Variants in WDR37 observed in about 807,000 individuals in gnomAD.
WDR37 encodes the protein WD repeat-containing protein 37.
WDR37 carries 19 observed loss-of-function variants against 62.9 expected under a neutral mutation model. The observed-to-expected ratio is 0.30, with a 90% CI of 0.21 to 0.44. The LOEUF (loss-of-function observed/expected upper bound fraction) is 0.44. WDR37 is among the 20% of genes least tolerant of loss of function. The pLI is 1.00. For synonymous variants in WDR37, 250 were observed against 260.9 expected, an observed-to-expected ratio of 0.96 and a Z score of 0.40; for missense variants, 474 against 657.6, an observed-to-expected ratio of 0.72 and a Z score of 3.05.
intron 6 of WDR37, among the ~76,000 whole-genome samples, chr10:1,085,331 C>T (rs1340445136): frequency 7.9e-6 from 1 of 126,096 alleles, no homozygotes; most frequent in Admixed American, 7.3e-5. Context: ...TGACTTTTTT[C>T]CCACAAGTGG....
At chr10:1,086,528 T>C (rs1411936861) in intron 7 of WDR37, among the ~76,000 whole-genome samples, 171 bp downstream of exon 7, 1 of 152,238 alleles carries the variant, frequency 6.6e-6, no homozygotes, top group African/African-American at 2.4e-5. Flanking sequence ...CTTGAGCTTG[T>C]ATGGGCTCAA....
rs151072982 is a variant in WDR37 at position 1,080,062 on chromosome 10, C to T, written c.287C>T (p.Ala96Val). 41 of 1,613,958 alleles carry T rather than the reference C, an allele frequency of 2.5e-5. No homozygotes were observed. Among genetic ancestry groups the T allele is most frequent in the South Asian group, 4.4e-5 (4 of 91,068 alleles). ...GAACGTTTAGCTGCTGAAGGACAAG[C>T]GATTGATGGAGCAGAGCTGAGTAAG... ...LNERLAAEGQ[A>V]IDGAELSKGQ... Residue 96 changes from alanine (A) to valine (V), a missense_variant, in exon 4 of 14, where the codon GCG (alanine) becomes GTG (valine). Coordinates refer to ENST00000263150, the MANE Select transcript of WDR37 (RefSeq NM_014023.4).
At chr10:1,106,256 C>T (rs2131665402) in intron 11 of WDR37, among the ~76,000 whole-genome samples, 1 of 152,212 alleles carries the variant, frequency 6.6e-6, no homozygotes, top group South Asian at 2.1e-4. Context: ...CATCATGCCC[C>T]ACTGTGGTCC....
intron 6 of WDR37, among the ~76,000 whole-genome samples, chr10:1,085,316 G>A (rs1204382979): frequency 6.7e-6 from 1 of 149,448 alleles, no homozygotes; most frequent in Admixed American, 6.6e-5. Flanking sequence ...ATTTGTGGAT[G>A]TATTTGACTT....
At position 1,131,206 on chromosome 10, in the gene WDR37, A is replaced by G. The variant is rs1363290052; in HGVS notation, c.*1862A>G. The stretch of plus-strand genomic sequence containing the variant: ...CACTTTTTCTCTTGGCTGGAGGTCC[A>G]ATTGCCAGAGCCTCCCACACTGCAC... On this transcript the variant is annotated 3_prime_UTR_variant, in exon 14 of 14. Coordinates refer to ENST00000263150, the MANE Select transcript of WDR37 (RefSeq NM_014023.4). 1 of 152,318 alleles carries G rather than the reference A, an allele frequency of 6.6e-6. No homozygotes were observed. The highest frequency in any genetic ancestry group is 1.9e-4 in the East Asian group (1 of 5,186). 9.4% of individuals were successfully genotyped at this position (152,318 alleles called of 1,614,324 possible).
chr10:1,113,412 G>C (rs1012848339), intron 11 of WDR37, among the ~76,000 whole-genome samples: 6 of 152,170 alleles, frequency 3.9e-5, no homozygotes, highest in African/African-American at 1.4e-4. Flanking sequence ...CCCCCATTCT[G>C]CAGCCCATGG....
chr10:1,114,678 C>T (rs543502114), intron 11 of WDR37, among the ~76,000 whole-genome samples: 18 of 152,224 alleles, frequency 1.2e-4, no homozygotes, highest in Non-Finnish European at 2.2e-4. Flanking sequence ...GCAGAAGCTC[C>T]GAGATTGCCT....
intron 1 of WDR37, among the ~76,000 whole-genome samples, chr10:1,059,061 G>A (rs1341082793): frequency 6.6e-6 from 1 of 152,126 alleles, no homozygotes; most frequent in Non-Finnish European, 1.5e-5. Context: ...TGTGTTTTTT[G>A]TTTCAAATGA....
intron 7 of WDR37, among the ~76,000 whole-genome samples, chr10:1,090,999 C>T (rs527675012): frequency 3.9e-5 from 6 of 152,330 alleles, no homozygotes; most frequent in Admixed American, 1.3e-4. Flanking sequence ...TGAGCTCTCT[C>T]GAGGGCCTCG....
Position 1,105,342 on chromosome 10 carries a change from A to G in WDR37, c.1103+75A>G. The G allele has an allele frequency of 6.6e-7, 1 of 1,514,336 alleles. No homozygotes were observed. Among genetic ancestry groups the G allele is most frequent in the East Asian group, 2.4e-5 (1 of 41,066 alleles). 93.8% of individuals were successfully genotyped at this position (1,514,336 alleles called of 1,614,324 possible). A position where few individuals can be genotyped will look rare whatever the true frequency, so the allele number is the denominator to read the frequency against. On this transcript the variant is annotated intron_variant, in intron 11 of 13. Coordinates refer to ENST00000263150, the MANE Select transcript of WDR37 (RefSeq NM_014023.4). This position sits in a 1 kb window ranked among gnomAD's most constrained non-coding sequence, Gnocchi z 5.3. ...TGGGTTGACATGAAAACTTAATTCTAGCCTTAATTTTCAGTATTTCCGACT... is the reference window on the plus strand; with the variant it reads ...TGGGTTGACATGAAAACTTAATTCTGGCCTTAATTTTCAGTATTTCCGACT...
chr10:1,092,563 G>A (rs1834431380), intron 7 of WDR37, among the ~76,000 whole-genome samples: 1 of 151,690 alleles, frequency 6.6e-6, no homozygotes, highest in South Asian at 2.1e-4. Flanking sequence ...GTAGAGACGG[G>A]GTTTCACCAT....
chr10:1,092,104 T>C lies in WDR37; in HGVS notation c.605-1348T>C, dbSNP rs930302158. On this transcript the variant is annotated intron_variant, in intron 7 of 13. Transcript: ENST00000263150. The stretch of plus-strand genomic sequence containing the variant: ...CTGAGGCAGGAGAATGGCATGAACC[T>C]GGGAGGCGGAGCTTGCAGTGAGCTG... 2.0e-4 allele frequency among the ~76,000 whole-genome samples: 28 copies of C among 139,638 alleles called. No homozygotes were observed. In the East Asian group the frequency reaches 2.6e-3, roughly 13 times the overall value. The allele number at this position is 139,638 out of a possible 152,430, so 91.6% of individuals were successfully genotyped here.
At chr10:1,127,167 G>A (rs1298252276) in intron 13 of WDR37, among the ~76,000 whole-genome samples, 1 of 152,180 alleles carries the variant, frequency 6.6e-6, no homozygotes, top group African/African-American at 2.4e-5. Flanking sequence ...TTATGACTGT[G>A]AACTATGACT....
At chr10:1,073,943 A>G (rs758227272) in intron 2 of WDR37, among the ~76,000 whole-genome samples, 9 of 152,182 alleles carry the variant, frequency 5.9e-5, no homozygotes, top group Non-Finnish European at 1.2e-4. Context: ...ACCCCGTTCA[A>G]CACAGCACTT....
intron 9 of WDR37, among the ~76,000 whole-genome samples, chr10:1,099,033 G>A (rs1484992433): frequency 3.9e-5 from 6 of 152,170 alleles, no homozygotes; most frequent in African/African-American, 1.2e-4. Flanking sequence ...TGGCCTTTAT[G>A]ACATCAATTT....
intron 7 of WDR37, among the ~76,000 whole-genome samples, chr10:1,091,913 G>C (rs1231970845): frequency 6.6e-6 from 1 of 152,296 alleles, no homozygotes; most frequent in East Asian, 1.9e-4. Flanking sequence ...GGGCGCGGTG[G>C]CTCACGCCTG....
intron 11 of WDR37, among the ~76,000 whole-genome samples, chr10:1,107,978 G>T (rs1238200977): frequency 6.6e-6 from 1 of 152,210 alleles, no homozygotes; most frequent in Non-Finnish European, 1.5e-5. Flanking sequence ...TTCACCTGTT[G>T]TTGTATTGCA....
At chr10:1,066,735 C>T (rs183614931) in intron 1 of WDR37, among the ~76,000 whole-genome samples, 218 of 152,284 alleles carry the variant, frequency 1.4e-3, no homozygotes, top group Non-Finnish European at 1.4e-3. Flanking sequence ...TCCATTTTCA[C>T]GCTGCTGATA....
At chr10:1,122,959 A>C (rs957781135) in intron 11 of WDR37, among the ~76,000 whole-genome samples, 8 of 152,228 alleles carry the variant, frequency 5.3e-5, no homozygotes, top group African/African-American at 1.9e-4. Context: ...CATGTCAAAC[A>C]CTTTTTTTTA....
Sources: gnomAD v4.1 joint callset for allele counts (sites outside exome capture counted in the v4.1 genomes callset) on GRCh38, gnomAD v4.1.1 for gene constraint, Gnocchi (gnomAD v3.1) non-coding constraint, MANE v1.5 for transcripts, NCBI Gene and HGNC (gene_info 2026-07-23, HGNC 2026-07-21) for gene names.